The following LGR6 variants were observed in gnomAD, a reference collection of about 807,000 sequenced individuals.
The protein encoded by LGR6 is leucine rich repeat containing G protein-coupled receptor 6, also known as leucine-rich repeat-containing G protein-coupled receptor 6.
A neutral mutation model predicts 69.4 loss-of-function variants in LGR6; 45 were observed. That is an observed-to-expected ratio of 0.65 (90% CI 0.51 to 0.83). The LOEUF is 0.83. Among genes scored for constraint, LGR6 ranks in the 40% least tolerant of loss-of-function variants. LGR6 has a pLI of 0.00. For synonymous variants in LGR6, 538 were observed against 555.0 expected (o/e 0.97, Z 0.43); for missense variants, 1,108 against 1,246.7 (o/e 0.89, Z 1.68).
At chr1:202,201,080 G>C (rs1658820957) in intron 1 of LGR6, among the ~76,000 whole-genome samples, 1 of 152,182 alleles carries the variant, frequency 6.6e-6, no homozygotes, top group Admixed American at 6.5e-5. Flanking sequence ...CCCCATCCCT[G>C]GGAGATCAGG....
chr1:202,257,515 A>G (rs1663871697), intron 4 of LGR6, among the ~76,000 whole-genome samples: 1 of 152,168 alleles, frequency 6.6e-6, no homozygotes, highest in South Asian at 2.1e-4. Context: ...TTTTGCATGT[A>G]GATATCCACA....
At chr1:202,200,891 G>T (rs1658813458) in intron 1 of LGR6, among the ~76,000 whole-genome samples, 1 of 152,222 alleles carries the variant, frequency 6.6e-6, no homozygotes, top group South Asian at 2.1e-4. Context: ...CCATGCCAGA[G>T]CAGGCCATGG....
At chr1:202,235,193 T>C (rs1400487610) in intron 3 of LGR6, among the ~76,000 whole-genome samples, 1 of 152,182 alleles carries the variant, frequency 6.6e-6, no homozygotes, top group Admixed American at 6.5e-5. Flanking sequence ...GTACATGCTC[T>C]CTGACCCTCT....
Position 202,319,187 on chromosome 1 carries a change from G to T in LGR6, c.2884G>T (p.Ala962Ser), listed in dbSNP as rs1572037253. 1 of 1,606,516 alleles carries T rather than the reference G, an allele frequency of 6.2e-7. No individual in the cohort carries two copies. The highest frequency in any genetic ancestry group is 2.2e-5 in the East Asian group (1 of 44,818). The change falls in exon 18 of 18, where the codon GCC becomes TCC. Residue 962 changes from alanine to serine, a missense_variant. Transcript: ENST00000367278. ...GGGGFQPSGLAFASHV is the reference protein window; with the variant it reads ...GGGGFQPSGLSFASHV ...TGGCGGCTTTCAGCCCTCTGGCTTG[G>T]CCTTTGCTTCACACGTGTAAATATC...
At chr1:202,280,704 T>C in intron 5 of LGR6, 77 bp from the exon 6 acceptor site, 3 of 1,271,442 alleles carry the variant, frequency 2.4e-6, no homozygotes, top group Non-Finnish European at 3.5e-6. Context: ...ACTTTCCCCA[T>C]GCCACCATGT....
At chr1:202,281,746 C>T (rs1185546918) in intron 6 of LGR6, among the ~76,000 whole-genome samples, 3 of 151,902 alleles carry the variant, frequency 2.0e-5, no homozygotes, top group Non-Finnish European at 4.4e-5. Context: ...TTCTCTTACC[C>T]CCCACTTGCT....
chr1:202,301,659 G>A (rs1264278198), intron 9 of LGR6, among the ~76,000 whole-genome samples: 1 of 152,174 alleles, frequency 6.6e-6, no homozygotes, highest in Non-Finnish European at 1.5e-5. Flanking sequence ...CCCTTGGCCT[G>A]AAGGTGCTCT....
chr1:202,307,462 C>A, intron 14 of LGR6, 61 bp downstream of exon 14: 1 of 1,498,706 alleles, frequency 6.7e-7, no homozygotes, highest in Non-Finnish European at 9.3e-7. Flanking sequence ...ATGGGCTGGC[C>A]AATGGAGGCA....
Position 202,193,937 on chromosome 1 carries a change from G to A in LGR6, c.-53G>A. 3.4e-6 allele frequency: 4 copies of A among 1,167,288 alleles called. No homozygotes were observed. Among genetic ancestry groups the A allele is most frequent in the South Asian group, 4.7e-5 (2 of 42,338 alleles). The allele number at this position is 1,167,288 out of a possible 1,614,324, so 72.3% of individuals were successfully genotyped here. A position where few individuals can be genotyped will look rare whatever the true frequency, so the allele number is the denominator to read the frequency against. On this transcript the variant is annotated 5_prime_UTR_variant, in exon 1 of 18. Transcript: ENST00000367278. The stretch of plus-strand genomic sequence containing the variant: ...CCGGGAGGAAGCAGCTGCGGCCATC[G>A]CGCCGTGCGTCCGCGCCCGGCCGCC...
chr1:202,227,488 GA>G (rs1279222057), intron 2 of LGR6, among the ~76,000 whole-genome samples: 2 of 152,174 alleles, frequency 1.3e-5, no homozygotes, highest in African/African-American at 4.8e-5. Context: ...TTAGGGCCTG[GA>G]GAGACACAGA....
intron 6 of LGR6, among the ~76,000 whole-genome samples, chr1:202,282,295 T>C (rs1666072654): frequency 6.6e-6 from 1 of 152,102 alleles, no homozygotes. Flanking sequence ...TCTGAGAAAA[T>C]TGATGTCCGG....
At position 202,318,645 on chromosome 1, in the gene LGR6, C is replaced by G; in HGVS notation, c.2342C>G (p.Ala781Gly). ...AGGCACGTGGCCTGGCTCATCTTCG[C>G]AGACGGGCTCCTCTACTGTCCCGTG... is the stretch of plus-strand genomic sequence containing the variant. The part of the protein sequence containing the change: ...MVRHVAWLIF[A>G]DGLLYCPVAF... Residue 781 changes from alanine (A) to glycine (G), a missense_variant, in exon 18 of 18, where the codon GCA becomes GGA. Transcript: ENST00000367278. 2 of 1,613,826 alleles carry G rather than the reference C, an allele frequency of 1.2e-6. No individual in the cohort carries two copies. Among genetic ancestry groups the G allele is most frequent in the Non-Finnish European group, 1.7e-6 (2 of 1,179,994 alleles).
intron 4 of LGR6, among the ~76,000 whole-genome samples, chr1:202,236,986 C>T (rs1479416960): frequency 6.6e-6 from 1 of 152,160 alleles, no homozygotes; most frequent in Non-Finnish European, 1.5e-5. Flanking sequence ...CCCCATTCCA[C>T]CTTACACAGA....
At chr1:202,225,313 G>C (rs3010067) in intron 1 of LGR6, 110 bp from the exon 2 acceptor site, 395,408 of 889,828 alleles carry the variant, frequency 0.44, 92,603 homozygotes, top group East Asian at 0.7. Context: ...GGCCTGGTGG[G>C]GGGTACTGTG....
chr1:202,245,078 A>T (rs1662536249), intron 4 of LGR6, among the ~76,000 whole-genome samples: 1 of 152,142 alleles, frequency 6.6e-6, no homozygotes, highest in Non-Finnish European at 1.5e-5. Context: ...TGATCTAGTG[A>T]ACCCTGTTGG....
chr1:202,262,935 C>CTTTTATTTTATTTTATTTTATTTTA (rs58749601), intron 4 of LGR6, among the ~76,000 whole-genome samples: 6 of 146,836 alleles, frequency 4.1e-5, no homozygotes, highest in African/African-American at 1.5e-4. Flanking sequence ...TGAAACTTGC[C>CTTTTATTTTATTTTATTTTATTTTA]TTTTATTTTA....
Position 202,194,014 on chromosome 1 carries a change from G to A in LGR6, c.25G>A (p.Ala9Thr). MPSPPGLRALWLCAALCAS... is the reference protein window; with the variant it reads MPSPPGLRTLWLCAALCAS... ...GATGCCCAGCCCGCCGGGGCTCCGGGCGCTATGGCTTTGCGCCGCGCTGTG... is the reference window on the plus strand; with the variant it reads ...GATGCCCAGCCCGCCGGGGCTCCGGACGCTATGGCTTTGCGCCGCGCTGTG... Residue 9 changes from alanine (A) to threonine (T), a missense_variant, in exon 1 of 18, where the codon GCG becomes ACG. By Grantham distance (58) the Ala-to-Thr change is moderately conservative. Coordinates refer to ENST00000367278, the MANE Select transcript of LGR6 (RefSeq NM_001017403.2). The A allele has an allele frequency of 7.2e-7, 1 of 1,381,956 alleles. No individual in the cohort carries two copies. The highest frequency in any genetic ancestry group is 2.7e-4 in the Middle Eastern group (1 of 3,758). 85.6% of individuals were successfully genotyped at this position (1,381,956 alleles called of 1,614,324 possible).
intron 4 of LGR6, among the ~76,000 whole-genome samples, chr1:202,271,730 C>A (rs192277160): frequency 6.6e-6 from 1 of 151,632 alleles, no homozygotes; most frequent in African/African-American, 2.4e-5. Context: ...ATCGCTTGAA[C>A]CCGGGAGGCA....
intron 1 of LGR6, among the ~76,000 whole-genome samples, chr1:202,222,338 G>A (rs1436539496): frequency 6.6e-6 from 1 of 152,134 alleles, no homozygotes; most frequent in Admixed American, 6.5e-5. Flanking sequence ...ATGTGGGGGC[G>A]GGTGGAGGGG....
Sources: gnomAD v4.1 joint callset for allele counts (sites outside exome capture counted in the v4.1 genomes callset) on GRCh38, gnomAD v4.1.1 for gene constraint, MANE v1.5 for transcripts, NCBI Gene and HGNC (gene_info 2026-07-23, HGNC 2026-07-21) for gene names.